ABCC4: variants seen among roughly 807,000 people sequenced by gnomAD.
ABCC4 encodes the protein ATP binding cassette subfamily C member 4 (PEL blood group), also known as ATP-binding cassette sub-family C member 4.
A neutral mutation model predicts 168.5 loss-of-function variants in ABCC4; 102 were observed. That is an observed-to-expected ratio of 0.61 (90% CI 0.52 to 0.71). The LOEUF (loss-of-function observed/expected upper bound fraction) is 0.71, where lower values mean the gene tolerates loss of function less well. Among genes scored for constraint, ABCC4 ranks in the 30% least tolerant of loss-of-function variants. ABCC4 has a pLI of 0.00. For missense variants in ABCC4, 1,402 were observed against 1,605.8 expected (o/e 0.87, Z 2.17); for synonymous variants, 617 against 590.7 (o/e 1.04, Z -0.65).
rs555716769 is a variant in ABCC4 at position 95,078,389 on chromosome 13, G to C, written c.2687-2838C>G. Reference sequence around the variant, plus strand: ...ATTACGGCCACTGCACTCCAGCCTGGGTGACAGAGCGAGACTATGTCTCAA... The same window carrying C: ...ATTACGGCCACTGCACTCCAGCCTGCGTGACAGAGCGAGACTATGTCTCAA... On this transcript the variant is annotated intron_variant, in intron 21 of 30. Transcript: ENST00000645237. Among the ~76,000 whole-genome samples the C allele has an allele frequency of 9.9e-5, 15 of 151,208 alleles. No individual in the cohort carries two copies. The South Asian group carries it at 2.6e-3, about 26-fold the overall frequency.
At chr13:95,260,789 C>CA (rs2040512925) in intron 1 of ABCC4, among the ~76,000 whole-genome samples, 1 of 151,950 alleles carries the variant, frequency 6.6e-6, no homozygotes, top group Non-Finnish European at 1.5e-5. Flanking sequence ...TTTTAAGCTA[C>CA]TTTGTATATG....
chr13:95,209,638 A>G, intron 5 of ABCC4, 41 bp from the exon 6 acceptor site: 1 of 1,567,338 alleles, frequency 6.4e-7, no homozygotes, highest in East Asian at 2.3e-5. Context: ...ACTCCAGAAA[A>G]GCAAAACCAG....
intron 20 of ABCC4, among the ~76,000 whole-genome samples, chr13:95,107,627 A>T (rs1335768190): frequency 6.6e-6 from 1 of 152,198 alleles, no homozygotes; most frequent in Non-Finnish European, 1.5e-5. Flanking sequence ...GCATCAGAAT[A>T]CTGTAGATAA....
rs1033848599 is a variant in ABCC4 at position 95,237,333 on chromosome 13, T to C, written c.307-2499A>G. On this transcript the variant is annotated intron_variant, in intron 3 of 30. Coordinates refer to ENST00000645237, the MANE Select transcript of ABCC4 (RefSeq NM_005845.5). ...TTCAACTAATAAGAAACGAAACAAC[T>C]GGGAAAATACTCATTATCAAAATTA... is the stretch of plus-strand genomic sequence containing the variant. Among the ~76,000 whole-genome samples, 6 of 152,256 alleles carry C rather than the reference T, an allele frequency of 3.9e-5. No homozygotes were observed. In the South Asian group the frequency reaches 1.2e-3, roughly 32 times the overall value.
intron 3 of ABCC4, among the ~76,000 whole-genome samples, chr13:95,236,084 A>G (rs987092642): frequency 6.6e-6 from 1 of 152,172 alleles, no homozygotes; most frequent in African/African-American, 2.4e-5. Flanking sequence ...ACGCAGCTTG[A>G]GCCACGGTTT....
intron 30 of ABCC4, among the ~76,000 whole-genome samples, chr13:95,030,954 C>G (rs2031851578): frequency 6.6e-6 from 1 of 152,232 alleles, no homozygotes; most frequent in Admixed American, 6.5e-5. Context: ...CCTGCACCAG[C>G]ATTTTCAGGA....
At chr13:95,076,754 C>T (rs527998905) in intron 21 of ABCC4, among the ~76,000 whole-genome samples, 3 of 152,008 alleles carry the variant, frequency 2.0e-5, no homozygotes, top group Non-Finnish European at 4.4e-5. Context: ...TGTGAGCCAC[C>T]GCACCTGGCC....
chr13:95,196,212 G>C (rs1594277302), intron 8 of ABCC4, among the ~76,000 whole-genome samples: 2 of 62,732 alleles, frequency 3.2e-5, no homozygotes, highest in African/African-American at 7.7e-5. Context: ...AAATTTTGTA[G>C]ATGTGGCAAA....
At chr13:95,252,771 G>C (rs1226559854) in intron 1 of ABCC4, among the ~76,000 whole-genome samples, 2 of 152,230 alleles carry the variant, frequency 1.3e-5, no homozygotes, top group Admixed American at 6.5e-5. Context: ...ACTGAGGTGA[G>C]GGTCTTCAAT....
At position 95,244,061 on chromosome 13, in the gene ABCC4, C is replaced by T. The variant is rs182891876; in HGVS notation, c.306+2914G>A. 4.1e-3 allele frequency among the ~76,000 whole-genome samples: 630 copies of T among 152,218 alleles called. 3 individuals carry two copies. Among genetic ancestry groups the T allele is most frequent in the Non-Finnish European group, 6.6e-3 (446 of 68,016 alleles). Reference sequence around the variant, plus strand: ...CAATCTGATTTCCCACAGCCATGCCCCACTGTTCCAGGGAGCTCTTAGCAT... The same window carrying T: ...CAATCTGATTTCCCACAGCCATGCCTCACTGTTCCAGGGAGCTCTTAGCAT... On this transcript the variant is annotated intron_variant, in intron 3 of 30. Coordinates refer to ENST00000645237, the MANE Select transcript of ABCC4 (RefSeq NM_005845.5).
Position 95,173,499 on chromosome 13 carries a change from G to A in ABCC4, c.1728-2871C>T, listed in dbSNP as rs9561798. Among the ~76,000 whole-genome samples the A allele has an allele frequency of 3.4e-4, 52 of 152,244 alleles. No homozygotes were observed. In the East Asian group the frequency reaches 9.4e-3, roughly 28 times the overall value. On this transcript the variant is annotated intron_variant, in intron 13 of 30. Transcript: ENST00000645237. ...GGCAAACTATCCCTGGTTGTCCAACGGCAGGAAAAATACCCTTACAGACAG... is the reference window on the plus strand; with the variant it reads ...GGCAAACTATCCCTGGTTGTCCAACAGCAGGAAAAATACCCTTACAGACAG...
chr13:95,301,444 T>C lies in ABCC4; in HGVS notation c.-130A>G, dbSNP rs924514487. On this transcript the variant is annotated 5_prime_UTR_variant, in exon 1 of 31. Coordinates refer to ENST00000645237, the MANE Select transcript of ABCC4 (RefSeq NM_005845.5). ...CACGCCTGTCCGCTCGGCTGGAGCCTGTGAAGCAGCCGCTTCCGGGAGCCG... is the reference window on the plus strand; with the variant it reads ...CACGCCTGTCCGCTCGGCTGGAGCCCGTGAAGCAGCCGCTTCCGGGAGCCG... 2.9e-6 allele frequency: 2 copies of C among 700,130 alleles called. No homozygotes were observed. Among genetic ancestry groups the C allele is most frequent in the Non-Finnish European group, 2.0e-6 (1 of 490,110 alleles). The allele number at this position is 700,130 out of a possible 1,614,324, so 43.4% of individuals were successfully genotyped here. A position where few individuals can be genotyped will look rare whatever the true frequency, so the allele number is the denominator to read the frequency against.
intron 1 of ABCC4, among the ~76,000 whole-genome samples, chr13:95,266,650 C>T (rs2040682429): frequency 2.0e-5 from 3 of 152,032 alleles, no homozygotes; most frequent in Non-Finnish European, 4.4e-5. Flanking sequence ...AGTTCAGAGC[C>T]CTCGCACCAA....
intron 21 of ABCC4, among the ~76,000 whole-genome samples, chr13:95,079,135 G>C (rs2034006282): frequency 6.6e-6 from 1 of 152,184 alleles, no homozygotes; most frequent in Admixed American, 6.5e-5. Flanking sequence ...GTGAGGGTGA[G>C]CTGGGAGGTC....
intron 14 of ABCC4, among the ~76,000 whole-genome samples, chr13:95,168,282 G>C (rs1278805294): frequency 2.6e-5 from 4 of 152,156 alleles, no homozygotes; most frequent in Admixed American, 2.0e-4. Context: ...GAAATTACTT[G>C]TTTTCAAGTT....
rs2038433974 is a variant in ABCC4 at position 95,196,597 on chromosome 13, G to A, written c.1162-1660C>T. ...AGGAGGAAAGGAGGAAGGAAGGAAG[G>A]AAGGAAGGAAGGAAGGAAGGAAGGA... On this transcript the variant is annotated intron_variant, in intron 8 of 30. Coordinates refer to ENST00000645237, the MANE Select transcript of ABCC4 (RefSeq NM_005845.5). Among the ~76,000 whole-genome samples, 4 of 6,920 alleles carry A rather than the reference G, an allele frequency of 5.8e-4. No individual in the cohort carries two copies. The South Asian group carries it at 0.014, about 24-fold the overall frequency. 4.5% of individuals were successfully genotyped at this position (6,920 alleles called of 152,430 possible).
chr13:95,116,087 T>A, intron 19 of ABCC4, 86 bp from the exon 20 acceptor site: 3 of 924,632 alleles, frequency 3.2e-6, no homozygotes, highest in Non-Finnish European at 5.0e-6. Context: ...AAAACAATAT[T>A]TTAAATGCAT....
At chr13:95,028,570 A>G (rs112124271) in intron 30 of ABCC4, among the ~76,000 whole-genome samples, 3 of 152,328 alleles carry the variant, frequency 2.0e-5, no homozygotes, top group African/African-American at 7.2e-5. Flanking sequence ...AAAATAAACT[A>G]TGAGTGAAAG....
chr13:95,175,809 A>G (rs74105447), intron 13 of ABCC4, among the ~76,000 whole-genome samples: 2,671 of 152,286 alleles, frequency 0.018, 67 homozygotes, highest in African/African-American at 0.061. Context: ...TCACACATGC[A>G]GTCTCCAGAA....
Sources: allele counts gnomAD v4.1 joint callset (sites outside exome capture counted in the v4.1 genomes callset), GRCh38; gene constraint gnomAD v4.1.1; transcripts MANE v1.5; gene names NCBI Gene and HGNC (gene_info 2026-07-23, HGNC 2026-07-21).